Variants in MS4A18 observed in about 807,000 individuals in gnomAD.
MS4A18 encodes membrane-spanning 4-domains subfamily A member 18.
A neutral mutation model predicts 13.1 loss-of-function variants in MS4A18; 27 were observed. That is an observed-to-expected ratio of 2.06 (90% CI 1.52 to 2.84). The LOEUF is 2.84. Among genes scored for constraint, MS4A18 ranks in the 30% most tolerant of loss-of-function variants. The pLI, the probability that MS4A18 is intolerant of heterozygous loss-of-function variation, is 0.00. For missense variants in MS4A18, 307 were observed against 196.4 expected (o/e 1.56, Z -3.37); for synonymous variants, 126 against 76.5 (o/e 1.65, Z -3.38).
chr11:60,736,921 CT>C, intron 2 of MS4A18, 56 bp from the exon 4 acceptor site: 1 of 679,206 alleles, frequency 1.5e-6, no homozygotes, highest in East Asian at 2.7e-5. Flanking sequence ...GGACAGCTGT[CT>C]TTTTTAACAT....
At chr11:60,732,965 A>G (rs1166623443) in intron 1 of MS4A18, among the ~76,000 whole-genome samples, 1 of 152,266 alleles carries the variant, frequency 6.6e-6, no homozygotes, top group Non-Finnish European at 1.5e-5. Flanking sequence ...CAGAACTAAC[A>G]TCGAATGGTC....
intron 1 of MS4A18, 89 bp downstream of exon 2, chr11:60,729,875 G>A: frequency 1.6e-6 from 1 of 620,994 alleles, no homozygotes; most frequent in Non-Finnish European, 2.9e-6. Flanking sequence ...TGTGTTGAGA[G>A]GGTAAAGGGG....
chr11:60,736,686 A>T (rs1293598579), intron 2 of MS4A18, among the ~76,000 whole-genome samples: 1 of 152,216 alleles, frequency 6.6e-6, no homozygotes. Flanking sequence ...GAATCAGTCA[A>T]AACATAATAA....
chr11:60,733,745 T>C (rs1853292727), intron 2 of MS4A18, 98 bp downstream of exon 3: 1 of 695,832 alleles, frequency 1.4e-6, no homozygotes, highest in Non-Finnish European at 2.6e-6. Context: ...CCCAGTAATA[T>C]GACTCTGTAG....
At chr11:60,733,720 G>A in intron 2 of MS4A18, 73 bp downstream of exon 3, 1 of 701,556 alleles carries the variant, frequency 1.4e-6, no homozygotes. Flanking sequence ...GGAAGAAGGA[G>A]CATGGAATCC....
chr11:60,727,046 A>G (rs574443737), upstream of MS4A18, among the ~76,000 whole-genome samples: 1 of 152,220 alleles, frequency 6.6e-6, no homozygotes, highest in East Asian at 1.9e-4. Flanking sequence ...TTTGCTGAGA[A>G]TGATGGTTTC....
chr11:60,738,149 C>T (rs975781076), intron 3 of MS4A18, among the ~76,000 whole-genome samples: 7 of 152,234 alleles, frequency 4.6e-5, no homozygotes, highest in Non-Finnish European at 7.3e-5. Flanking sequence ...ATGTAGAACA[C>T]GGTCCCTTTC....
intron 2 of MS4A18, among the ~76,000 whole-genome samples, chr11:60,736,122 G>A (rs187714983): frequency 1.3e-5 from 2 of 152,232 alleles, no homozygotes; most frequent in African/African-American, 4.8e-5. Flanking sequence ...GAAGAAGTGA[G>A]TTCCTTTGAG....
Position 60,730,777 on chromosome 11 carries a change from C to T in MS4A18, c.477+985C>T, listed in dbSNP as rs144810689. On this transcript the variant is annotated intron_variant, in intron 1 of 5. Transcript: ENST00000529108. The stretch of plus-strand genomic sequence containing the variant: ...TCAAAATCAAATCCTGAACTAAATT[C>T]TATAAAACAGCAATCAGGAATAGAA... Among the ~76,000 whole-genome samples, 44 of 152,290 alleles carry T rather than the reference C, an allele frequency of 2.9e-4. No individual in the cohort carries two copies. In the East Asian group the frequency reaches 8.1e-3, roughly 28 times the overall value.
At chr11:60,738,836 C>G in intron 3 of MS4A18, 66 bp from the exon 5 acceptor site, 1 of 689,682 alleles carries the variant, frequency 1.4e-6, no homozygotes, top group Non-Finnish European at 2.6e-6. Context: ...TCCCAAGAGT[C>G]CCCACAAGCC....
intron 4 of MS4A18, among the ~76,000 whole-genome samples, chr11:60,739,940 A>G (rs1042644190): frequency 6.6e-6 from 1 of 152,206 alleles, no homozygotes; most frequent in Non-Finnish European, 1.5e-5. Flanking sequence ...GTCTTAAACC[A>G]GACATGTCTA....
At chr11:60,728,892 T>G (rs1481984613), upstream of MS4A18, among the ~76,000 whole-genome samples, 1 of 152,136 alleles carries the variant, frequency 6.6e-6, no homozygotes, top group Non-Finnish European at 1.5e-5. Flanking sequence ...CAGTTCCAAA[T>G]TCCCAGGAGA....
intron 4 of MS4A18, 38 bp from the exon 6 acceptor site, chr11:60,740,992 T>A (rs1728292041): frequency 4.3e-6 from 3 of 702,928 alleles, no homozygotes; most frequent in Admixed American, 2.0e-5. Context: ...GCCATCAACC[T>A]GAAGGACTAA....
intron 1 of MS4A18, among the ~76,000 whole-genome samples, chr11:60,731,703 A>G (rs1384775763): frequency 2.0e-5 from 3 of 152,226 alleles, no homozygotes; most frequent in African/African-American, 4.8e-5. Context: ...ATTTCTACGC[A>G]TGGTGTTAAC....
upstream of MS4A18, among the ~76,000 whole-genome samples, chr11:60,728,346 A>T (rs1050817337): frequency 1.3e-5 from 2 of 152,128 alleles, no homozygotes; most frequent in Non-Finnish European, 2.9e-5. Flanking sequence ...AGAACCTAGA[A>T]CCGAGAGTCA....
intron 1 of MS4A18, among the ~76,000 whole-genome samples, chr11:60,730,156 T>C (rs575257064): frequency 5.2e-4 from 79 of 152,338 alleles, no homozygotes; most frequent in African/African-American, 1.7e-3. Context: ...CTTGCAGACA[T>C]CTCTTCCTCG....
At chr11:60,725,007 A>C (rs953002468), upstream of MS4A18, among the ~76,000 whole-genome samples, 2 of 152,178 alleles carry the variant, frequency 1.3e-5, no homozygotes, top group Non-Finnish European at 2.9e-5. Flanking sequence ...GAGTCACAAC[A>C]GGTTCTCAAA....
At chr11:60,730,615 T>C (rs1853239873) in intron 1 of MS4A18, among the ~76,000 whole-genome samples, 1 of 152,192 alleles carries the variant, frequency 6.6e-6, no homozygotes. Flanking sequence ...TCTGGCTTCT[T>C]TGAGAAGTTA....
exon 1 of MS4A18, chr11:60,729,367 G>A (rs1364486609): frequency 2.8e-6 from 2 of 702,678 alleles, no homozygotes; most frequent in South Asian, 3.0e-5. Context: ...TATTGCCCCA[G>A]ATAATGTTCA....
Sources: gnomAD v4.1 joint callset for allele counts (sites outside exome capture counted in the v4.1 genomes callset) on GRCh38, gnomAD v4.1.1 for gene constraint, MANE v1.5 for transcripts, NCBI Gene and HGNC (gene_info 2026-07-23, HGNC 2026-07-21) for gene names.